Variants in LTBP1 observed in about 807,000 individuals in gnomAD.
The protein encoded by LTBP1 is latent-transforming growth factor beta-binding protein 1.
A neutral mutation model predicts 207.6 loss-of-function variants in LTBP1; 129 were observed. The ratio of observed to expected loss-of-function variants is 0.62; its 90% CI spans 0.54 to 0.72. The LOEUF (loss-of-function observed/expected upper bound fraction) is 0.72, where lower values mean the gene tolerates loss of function less well. Among genes scored for constraint, LTBP1 ranks in the 30% least tolerant of loss-of-function variants. The probability of loss-of-function intolerance (pLI) is 0.00; values close to 1 mark genes in which losing one functional copy is unlikely to be tolerated. For missense variants in LTBP1, 2,281 were observed against 2,217.2 expected, an observed-to-expected ratio of 1.03 and a Z score of -0.58; for synonymous variants, 963 against 833.7, an observed-to-expected ratio of 1.16 and a Z score of -2.67.
intron 4 of LTBP1, among the ~76,000 whole-genome samples, chr2:33,115,035 T>TACACACACACAC: frequency 1.0e-5 from 1 of 98,280 alleles, no homozygotes; most frequent in South Asian, 3.8e-4. Context: ...CAAACAGATA[T>TACACACACACAC]ATACACACAC....
chr2:33,242,856 C>G (rs575217291), intron 9 of LTBP1, among the ~76,000 whole-genome samples: 7 of 152,240 alleles, frequency 4.6e-5, no homozygotes, highest in East Asian at 1.9e-4. Flanking sequence ...TAGAGTCTGT[C>G]TTTGAGTCTT....
At chr2:33,162,609 C>G (rs898256431) in intron 5 of LTBP1, among the ~76,000 whole-genome samples, 1 of 152,122 alleles carries the variant, frequency 6.6e-6, no homozygotes, top group African/African-American at 2.4e-5. Context: ...AGCTCATGAG[C>G]AGATGGAAGA....
chr2:33,319,024 C>T (rs1338083948), intron 24 of LTBP1, among the ~76,000 whole-genome samples: 2 of 152,126 alleles, frequency 1.3e-5, no homozygotes, highest in Admixed American at 1.3e-4. Context: ...CGCTTGAGCC[C>T]AGGAGTTCAA....
intron 26 of LTBP1, among the ~76,000 whole-genome samples, chr2:33,350,818 G>A (rs1370924277): frequency 1.3e-5 from 2 of 152,054 alleles, no homozygotes; most frequent in Non-Finnish European, 2.9e-5. Context: ...ATGTCTTTGG[G>A]CACTCTAAGG....
At chr2:33,228,716 T>TTTTTTTTTTTTTTTTTTTTTTTTG (rs1339282755) in intron 9 of LTBP1, among the ~76,000 whole-genome samples, 2 of 143,752 alleles carry the variant, frequency 1.4e-5, no homozygotes, top group South Asian at 2.3e-4. Context: ...TTTTTTTTTT[T>TTTTTTTTTTTTTTTTTTTTTTTTG]TTGAGATGGA....
intron 2 of LTBP1, among the ~76,000 whole-genome samples, chr2:32,989,872 T>A (rs1684142403): frequency 6.6e-6 from 1 of 152,210 alleles, no homozygotes; most frequent in African/African-American, 2.4e-5. Context: ...GCAAAGGTAG[T>A]AGGTAACTAA....
intron 26 of LTBP1, among the ~76,000 whole-genome samples, chr2:33,352,035 G>A (rs2094788620): frequency 6.6e-6 from 1 of 152,134 alleles, no homozygotes; most frequent in Non-Finnish European, 1.5e-5. Flanking sequence ...CTGCCTATTG[G>A]ACTTTTTCTT....
At chr2:33,382,820 A>G (rs2095231357) in intron 31 of LTBP1, among the ~76,000 whole-genome samples, 1 of 152,160 alleles carries the variant, frequency 6.6e-6, no homozygotes, top group South Asian at 2.1e-4. Flanking sequence ...TTTGCATCAC[A>G]ACACCACATA....
chr2:33,331,016 T>G (rs1472046872), intron 24 of LTBP1, among the ~76,000 whole-genome samples: 2 of 151,862 alleles, frequency 1.3e-5, no homozygotes, highest in African/African-American at 4.8e-5. Flanking sequence ...TCCAAGGAAT[T>G]TATCCATTTG....
chr2:33,027,301 C>T (rs1164729920), intron 3 of LTBP1, among the ~76,000 whole-genome samples: 1 of 152,094 alleles, frequency 6.6e-6, no homozygotes, highest in Admixed American at 6.5e-5. Context: ...AAACGATTAC[C>T]ACAATCAAGC....
At chr2:33,279,133 G>A (rs1573581954) in intron 18 of LTBP1, among the ~76,000 whole-genome samples, 2 of 151,974 alleles carry the variant, frequency 1.3e-5, no homozygotes, top group South Asian at 4.2e-4. Flanking sequence ...TTGTGTATTG[G>A]GATACTTAAA....
chr2:33,349,956 C>G (rs2094758168), intron 26 of LTBP1, among the ~76,000 whole-genome samples: 1 of 152,206 alleles, frequency 6.6e-6, no homozygotes, highest in Admixed American at 6.5e-5. Flanking sequence ...ATTCTCCCTT[C>G]CATGAGCATC....
intron 10 of LTBP1, among the ~76,000 whole-genome samples, chr2:33,248,703 C>T (rs1316902883): frequency 1.3e-5 from 2 of 151,814 alleles, no homozygotes; most frequent in Non-Finnish European, 2.9e-5. Context: ...TCTTCTGCCT[C>T]AGCCTCCTGA....
intron 7 of LTBP1, among the ~76,000 whole-genome samples, chr2:33,216,706 G>A (rs997283810): frequency 2.0e-5 from 3 of 152,180 alleles, no homozygotes; most frequent in African/African-American, 7.2e-5. Flanking sequence ...GGGGTGGAGA[G>A]TCAGCTGGTC....
chr2:33,048,180 A>G (rs2076541395), intron 3 of LTBP1, among the ~76,000 whole-genome samples: 1 of 152,224 alleles, frequency 6.6e-6, no homozygotes, highest in South Asian at 2.1e-4. Flanking sequence ...ATTCAGAAGC[A>G]GAGGAGGATT....
chr2:33,309,587 A>G, intron 23 of LTBP1, 31 bp downstream of exon 23: 2 of 1,596,168 alleles, frequency 1.3e-6, no homozygotes, highest in South Asian at 1.2e-5. Context: ...CCCAGTCATT[A>G]TTTACGTAAT....
chr2:33,048,238 A>C (rs1344261164), intron 3 of LTBP1, among the ~76,000 whole-genome samples: 2 of 152,194 alleles, frequency 1.3e-5, no homozygotes, highest in Non-Finnish European at 2.9e-5. Context: ...GCGCTTATTT[A>C]GTACAAGGAG....
intron 5 of LTBP1, among the ~76,000 whole-genome samples, chr2:33,167,162 G>T (rs569816042): frequency 6.6e-6 from 1 of 152,164 alleles, no homozygotes; most frequent in Non-Finnish European, 1.5e-5. Flanking sequence ...GCCAAAAAAA[G>T]AATTATTTGC....
intron 3 of LTBP1, chr2:33,056,616 G>A (rs570418846): frequency 5.9e-5 from 16 of 270,176 alleles, no homozygotes; most frequent in Admixed American, 1.1e-4. Context: ...TAAAGGTGGC[G>A]TGTCCGGAGT....
Sources: gnomAD v4.1 joint callset for allele counts (sites outside exome capture counted in the v4.1 genomes callset) on GRCh38, gnomAD v4.1.1 for gene constraint, MANE v1.5 for transcripts, NCBI Gene and HGNC (gene_info 2026-07-23, HGNC 2026-07-21) for gene names.